Variants in CNOT4 observed in about 807,000 individuals in gnomAD.
CNOT4 encodes CCR4-associated factor 4.
In CNOT4, 8 loss-of-function variants were observed where a neutral mutation model predicts 73.8. The ratio of observed to expected loss-of-function variants is 0.11; its 90% CI spans 0.06 to 0.20. CNOT4 has a LOEUF of 0.20. Among genes scored for constraint, CNOT4 ranks in the 10% least tolerant of loss-of-function variants. The pLI is 1.00. For synonymous variants in CNOT4, 293 were observed against 321.1 expected, an observed-to-expected ratio of 0.91 and a Z score of 0.94; for missense variants, 564 against 883.4, an observed-to-expected ratio of 0.64 and a Z score of 4.58.
intron 2 of CNOT4, among the ~76,000 whole-genome samples, chr7:135,431,666 C>G (rs1798854115): frequency 6.6e-6 from 1 of 151,858 alleles, no homozygotes; most frequent in Non-Finnish European, 1.5e-5. Flanking sequence ...TCACTTGAAC[C>G]CGGCAGGTGG....
chr7:135,481,022 G>A (rs1334601523), intron 1 of CNOT4, among the ~76,000 whole-genome samples: 2 of 149,214 alleles, frequency 1.3e-5, no homozygotes, highest in African/African-American at 4.9e-5. Context: ...TCAAGACATT[G>A]GTCTAAGCAA....
intron 1 of CNOT4, among the ~76,000 whole-genome samples, chr7:135,460,465 G>A (rs1422805419): frequency 1.3e-5 from 2 of 152,072 alleles, no homozygotes; most frequent in African/African-American, 4.8e-5. Context: ...AGGGAGTAAC[G>A]AGGACCCAGA....
chr7:135,394,749 G>A (rs1047404832), intron 9 of CNOT4, among the ~76,000 whole-genome samples: 3 of 152,022 alleles, frequency 2.0e-5, no homozygotes, highest in African/African-American at 7.2e-5. Flanking sequence ...AAATATAACA[G>A]ATTTTAATTA....
chr7:135,383,571 T>C (rs1795958956), intron 10 of CNOT4, among the ~76,000 whole-genome samples: 1 of 152,228 alleles, frequency 6.6e-6, no homozygotes, highest in Non-Finnish European at 1.5e-5. Flanking sequence ...TTCCATGCTT[T>C]CTACAATTCT....
At chr7:135,445,020 A>G in intron 1 of CNOT4, 1 of 812,898 alleles carries the variant, frequency 1.2e-6, no homozygotes. Context: ...GGAAGAAATA[A>G]CAGATAAGTC....
intron 2 of CNOT4, among the ~76,000 whole-genome samples, chr7:135,433,597 A>AT (rs1166556506): frequency 6.6e-6 from 1 of 151,486 alleles, no homozygotes; most frequent in Non-Finnish European, 1.5e-5. Flanking sequence ...ACCTCAAACA[A>AT]TCCTCCCACC....
intron 10 of CNOT4, among the ~76,000 whole-genome samples, chr7:135,371,584 C>T (rs1795205121): frequency 6.6e-6 from 1 of 152,086 alleles, no homozygotes; most frequent in Non-Finnish European, 1.5e-5. Flanking sequence ...ATGTGTTTGG[C>T]ATAATGTATA....
At chr7:135,449,207 A>G (rs1800017877) in intron 1 of CNOT4, among the ~76,000 whole-genome samples, 1 of 152,202 alleles carries the variant, frequency 6.6e-6, no homozygotes, top group Non-Finnish European at 1.5e-5. Context: ...GATAAAAGTC[A>G]TGATAGTGAC....
chr7:135,464,709 C>T (rs1801112634), intron 1 of CNOT4, among the ~76,000 whole-genome samples: 1 of 151,662 alleles, frequency 6.6e-6, no homozygotes. Context: ...GAATAAAATA[C>T]AATGCTAATC....
intron 2 of CNOT4, among the ~76,000 whole-genome samples, chr7:135,435,695 T>A (rs1352625732): frequency 6.6e-6 from 1 of 152,188 alleles, no homozygotes; most frequent in Admixed American, 6.5e-5. Context: ...TAATTCTTGT[T>A]TTTGCACACC....
chr7:135,440,023 T>C (rs1026209108), intron 1 of CNOT4, among the ~76,000 whole-genome samples: 10 of 151,382 alleles, frequency 6.6e-5, no homozygotes, highest in African/African-American at 2.4e-4. Flanking sequence ...AATCTTGGGA[T>C]ATAGAAGGTC....
chr7:135,424,820 AAAAC>A (rs1798403701), intron 2 of CNOT4, among the ~76,000 whole-genome samples: 1 of 152,132 alleles, frequency 6.6e-6, no homozygotes, highest in Non-Finnish European at 1.5e-5. Flanking sequence ...CAAACAAAAA[AAAAC>A]AAACAAGTTC....
intron 1 of CNOT4, among the ~76,000 whole-genome samples, chr7:135,477,104 C>T (rs753480515): frequency 1.3e-5 from 2 of 152,092 alleles, no homozygotes; most frequent in African/African-American, 4.8e-5. Context: ...CACTTTGGGA[C>T]GCTGAGGTGG....
chr7:135,468,595 C>T (rs1477191210), intron 1 of CNOT4, among the ~76,000 whole-genome samples: 5 of 151,130 alleles, frequency 3.3e-5, no homozygotes, highest in African/African-American at 9.7e-5. Context: ...ACATGAGAAT[C>T]GCTTGAACTC....
intron 10 of CNOT4, chr7:135,384,427 G>T (rs535386263): frequency 5.0e-6 from 2 of 397,430 alleles, no homozygotes; most frequent in Admixed American, 8.0e-5. Flanking sequence ...TGGGGCTACA[G>T]GTGCCCGCCA....
At chr7:135,447,556 T>C (rs1799909872) in intron 1 of CNOT4, among the ~76,000 whole-genome samples, 1 of 152,216 alleles carries the variant, frequency 6.6e-6, no homozygotes, top group South Asian at 2.1e-4. Context: ...TAGTAAAATA[T>C]TTGTATTTTA....
At chr7:135,455,381 G>A (rs1332440260) in intron 1 of CNOT4, among the ~76,000 whole-genome samples, 2 of 151,820 alleles carry the variant, frequency 1.3e-5, no homozygotes, top group East Asian at 3.9e-4. Context: ...AGAAAATAAT[G>A]GTCAATACAT....
At chr7:135,437,216 G>C (rs1005359803) in intron 2 of CNOT4, among the ~76,000 whole-genome samples, 1 of 151,266 alleles carries the variant, frequency 6.6e-6, no homozygotes, top group Admixed American at 6.6e-5. Flanking sequence ...TTGAGACGGA[G>C]TCTCGCTCTG....
chr7:135,458,076 T>C (rs1800656680), intron 1 of CNOT4, among the ~76,000 whole-genome samples: 1 of 152,138 alleles, frequency 6.6e-6, no homozygotes, highest in African/African-American at 2.4e-5. Flanking sequence ...TCCATGTGTG[T>C]TGATTTTCCT....
Sources: gnomAD v4.1 joint callset for allele counts (sites outside exome capture counted in the v4.1 genomes callset) on GRCh38, gnomAD v4.1.1 for gene constraint, MANE v1.5 for transcripts, NCBI Gene and HGNC (gene_info 2026-07-23, HGNC 2026-07-21) for gene names.